Variants in COL4A5 observed in about 807,000 individuals in gnomAD.
COL4A5 encodes collagen alpha-5(IV) chain.
In COL4A5, 26 loss-of-function variants were observed where a neutral mutation model predicts 130.2. That is an observed-to-expected ratio of 0.20 (90% CI 0.15 to 0.28). COL4A5 has a LOEUF of 0.28. Ranked by LOEUF, COL4A5 falls within the 10% of genes least tolerant of loss-of-function variation. The pLI is 1.00. For synonymous variants in COL4A5, 496 were observed against 439.6 expected (o/e 1.13, Z -1.60); for missense variants, 1,131 against 1,344.3 (o/e 0.84, Z 2.48).
Position 108,668,485 on chromosome X carries a change from A to T in COL4A5, c.3771A>T (p.Gln1257His), listed in dbSNP as rs148046007. The change falls in exon 41 of 53, where the codon CAA becomes CAT. Residue 1257 changes from glutamine (Q) to histidine (H), a missense_variant. Coordinates refer to ENST00000328300, the MANE Select transcript of COL4A5 (RefSeq NM_033380.3). Reference sequence around the variant, plus strand: ...GACCTAAAGGCAACCCTGGGCCCCAAGGTCCTCCTGGGAGACCAGGTATGT... The same window carrying T: ...GACCTAAAGGCAACCCTGGGCCCCATGGTCCTCCTGGGAGACCAGGTATGT... ...LEGPKGNPGP[Q>H]GPPGRPGPTG... 7 of 1,190,107 alleles carry T rather than the reference A, an allele frequency of 5.9e-6. No individual in the cohort carries two copies. In the East Asian group the frequency reaches 2.1e-4, roughly 36 times the overall value.
chrX:108,469,403 C>G (rs986777602), intron 1 of COL4A5, among the ~76,000 whole-genome samples: 2 of 110,110 alleles, frequency 1.8e-5, no homozygotes, highest in Non-Finnish European at 3.8e-5. Flanking sequence ...CCTCGGTCTT[C>G]CAAAGTGCTG....
At chrX:108,468,163 C>T (rs1467126746) in intron 1 of COL4A5, among the ~76,000 whole-genome samples, 1 of 111,694 alleles carries the variant, frequency 9.0e-6, no homozygotes, top group African/African-American at 3.3e-5. Context: ...TACTGTGACC[C>T]ATCACATGAA....
chrX:108,673,255 A>C (rs2068239726), intron 42 of COL4A5, among the ~76,000 whole-genome samples: 1 of 111,503 alleles, frequency 9.0e-6, no homozygotes, highest in African/African-American at 3.3e-5. Context: ...CAGGTAAAAA[A>C]CCATACTCAG....
intron 1 of COL4A5, among the ~76,000 whole-genome samples, chrX:108,444,699 A>G (rs928106624): frequency 6.2e-5 from 7 of 112,149 alleles, no homozygotes; most frequent in African/African-American, 1.6e-4. Flanking sequence ...ACTAGGAAAT[A>G]TATGTATATA....
intron 1 of COL4A5, among the ~76,000 whole-genome samples, chrX:108,519,650 C>G (rs940572167): frequency 9.0e-6 from 1 of 110,865 alleles, no homozygotes; most frequent in African/African-American, 3.3e-5. Flanking sequence ...ATTGTATTGT[C>G]AGGTAATACT....
At chrX:108,594,603 C>T (rs1271993469) in intron 21 of COL4A5, among the ~76,000 whole-genome samples, 1 of 109,270 alleles carries the variant, frequency 9.2e-6, no homozygotes, top group Non-Finnish European at 1.9e-5. Context: ...CCTCATTCTG[C>T]TCTAGCAATC....
rs774546060 is a variant in COL4A5 at position 108,513,356 on chromosome X, A to C, written c.82-26390A>C. Reference sequence around the variant, plus strand: ...GTTATATCATTTTATATTCCCATCAATCAAGTATGACAGTTCCAGTTGTTC... The same window carrying C: ...GTTATATCATTTTATATTCCCATCACTCAAGTATGACAGTTCCAGTTGTTC... On this transcript the variant is annotated intron_variant, in intron 1 of 52. Transcript: ENST00000328300. Among the ~76,000 whole-genome samples, 3 of 111,780 alleles carry C rather than the reference A, an allele frequency of 2.7e-5. No homozygotes were observed. The South Asian group carries it at 1.1e-3, about 42-fold the overall frequency.
Position 108,591,103 on chromosome X carries a change from A to G in COL4A5, c.1211A>G (p.Glu404Gly). ...GPPGPPGFPG[E>G]RGQKGDEGPP... ...CCTGGCCCTCCTGGATTTCCTGGAG[A>G]AAGGGGTCAGAAAGGTGATGAAGGA... is the stretch of plus-strand genomic sequence containing the variant. The change falls in exon 20 of 53, where the codon GAA becomes GGA. Residue 404 changes from glutamate to glycine, a missense_variant. Transcript: ENST00000328300. 1 of 1,209,538 alleles carries G rather than the reference A, an allele frequency of 8.3e-7. No individual in the cohort carries two copies. The highest frequency in any genetic ancestry group is 1.1e-6 in the Non-Finnish European group (1 of 894,910).
At chrX:108,659,883 T>C (rs2067919659) in intron 37 of COL4A5, among the ~76,000 whole-genome samples, 1 of 111,478 alleles carries the variant, frequency 9.0e-6, no homozygotes, top group Admixed American at 9.6e-5. Context: ...TTATATTTAA[T>C]GTATATTGTT....
intron 2 of COL4A5, among the ~76,000 whole-genome samples, chrX:108,542,095 CTG>C (rs1284403124): frequency 9.0e-6 from 1 of 111,524 alleles, no homozygotes; most frequent in Non-Finnish European, 1.9e-5. Context: ...GTAATGGAAA[CTG>C]TATTTTATTT....
At chrX:108,646,030 A>G (rs183028249) in intron 36 of COL4A5, among the ~76,000 whole-genome samples, 9,654 of 108,567 alleles carry the variant, frequency 0.089, 1,207 homozygotes, top group African/African-American at 0.3. Flanking sequence ...GAATAGTGCC[A>G]CAATAAATAT....
chrX:108,531,935 T>C (rs1196775593), intron 1 of COL4A5, among the ~76,000 whole-genome samples: 3 of 111,270 alleles, frequency 2.7e-5, no homozygotes, highest in Non-Finnish European at 1.9e-5. Flanking sequence ...TGAGATTGAA[T>C]CAGTAATAAA....
At chrX:108,585,688 C>T (rs1191946276) in intron 18 of COL4A5, among the ~76,000 whole-genome samples, 4 of 110,960 alleles carry the variant, frequency 3.6e-5, no homozygotes, top group East Asian at 5.6e-4. Context: ...CTTTATAGGT[C>T]TATAAGAAGA....
chrX:108,684,464 A>G (rs1354126763), intron 47 of COL4A5, among the ~76,000 whole-genome samples: 1 of 112,343 alleles, frequency 8.9e-6, no homozygotes, highest in African/African-American at 3.2e-5. Context: ...ATCAGAGAAT[A>G]CTATAAACAC....
intron 36 of COL4A5, among the ~76,000 whole-genome samples, chrX:108,653,450 G>T (rs904736377): frequency 1.8e-5 from 2 of 111,021 alleles, no homozygotes; most frequent in African/African-American, 6.6e-5. Context: ...TGGATATGCT[G>T]GGGAAAGGAG....
chrX:108,562,128 G>T lies in COL4A5; in HGVS notation c.232-1754G>T, dbSNP rs146497116. The stretch of plus-strand genomic sequence containing the variant: ...TGGCAGCAATCTATGCATACTATTG[G>T]CATGGAACAACTCAATGAATACCAG... On this transcript the variant is annotated intron_variant, in intron 3 of 52. Coordinates refer to ENST00000328300, the MANE Select transcript of COL4A5 (RefSeq NM_033380.3). 7.3e-3 allele frequency among the ~76,000 whole-genome samples: 814 copies of T among 111,731 alleles called. 5 individuals are homozygous for T. Among genetic ancestry groups the T allele is most frequent in the African/African-American group, 0.025 (781 of 30,765 alleles).
In COL4A5 at chrX:108,696,314, C is replaced by T. The variant is rs745360151; in HGVS notation, c.5012C>T (p.Thr1671Met). 8.4e-5 allele frequency: 101 copies of T among 1,206,705 alleles called. 1 individual carries two copies. The South Asian group carries it at 9.7e-4, about 12-fold the overall frequency. The stretch of plus-strand genomic sequence containing the variant: ...TTTCCCAGTAAACCTCAGTCAGAAA[C>T]GCTGAAAGCAGGAGACTTGAGGACA... The part of the protein sequence containing the change: ...SDMFSKPQSE[T>M]LKAGDLRTRI... The change falls in exon 53 of 53, where the codon ACG becomes ATG. Residue 1671 changes from threonine (T) to methionine (M), a missense_variant. Thr to Met is a moderately conservative substitution (Grantham distance 81, BLOSUM62 -1). Coordinates refer to ENST00000328300, the MANE Select transcript of COL4A5 (RefSeq NM_033380.3).
intron 38 of COL4A5, 51 bp from the exon 39 acceptor site, chrX:108,666,445 G>A: frequency 1.0e-6 from 1 of 961,263 alleles, no homozygotes; most frequent in Non-Finnish European, 1.5e-6. Flanking sequence ...GAAGTAAAAG[G>A]GAGTTGGAAA....
intron 46 of COL4A5, among the ~76,000 whole-genome samples, chrX:108,681,173 G>A (rs2068419923): frequency 9.0e-6 from 1 of 110,831 alleles, no homozygotes; most frequent in African/African-American, 3.3e-5. Flanking sequence ...GATAAATGCA[G>A]GATCAACAAA....
Sources: gnomAD v4.1 joint callset for allele counts (sites outside exome capture counted in the v4.1 genomes callset) on GRCh38, gnomAD v4.1.1 for gene constraint, MANE v1.5 for transcripts, NCBI Gene and HGNC (gene_info 2026-07-23, HGNC 2026-07-21) for gene names.